VPS35: variants seen among roughly 807,000 people sequenced by gnomAD.
VPS35 encodes VPS35 retromer complex component.
In VPS35, 21 loss-of-function variants were observed where a neutral mutation model predicts 98.1. The observed-to-expected ratio is 0.21, with a 90% confidence interval of 0.15 to 0.31. The LOEUF is 0.31. Ranked by LOEUF, VPS35 falls within the 10% of genes least tolerant of loss-of-function variation. The pLI is 1.00. For missense variants in VPS35, 554 were observed against 950.8 expected (o/e 0.58, Z 5.49); for synonymous variants, 268 against 318.2 (o/e 0.84, Z 1.68).
chr16:46,666,235 A>G (rs1248030841), intron 13 of VPS35, among the ~76,000 whole-genome samples: 1 of 150,300 alleles, frequency 6.7e-6, no homozygotes, highest in East Asian at 2.0e-4. Flanking sequence ...CTAGGACTAT[A>G]GGCATGTACC....
intron 6 of VPS35, chr16:46,677,613 G>C: frequency 1.9e-6 from 1 of 527,502 alleles, no homozygotes; most frequent in East Asian, 3.5e-5. Context: ...TCCACTCAAT[G>C]CAACATCCAC....
rs1440416262 is a variant in VPS35 at position 46,657,085 on chromosome 16, T to G, written c.*3387A>C. ...TGTTGGACAATGCAGGGTGCCCTAC[T>G]GGAGTAATCAGCAATACAAGACCAC... On this transcript the variant is annotated 3_prime_UTR_variant, in exon 17 of 17. Coordinates refer to ENST00000299138, the MANE Select transcript of VPS35 (RefSeq NM_018206.6). The G allele has an allele frequency of 1.3e-5, 2 of 152,334 alleles. No individual in the cohort carries two copies. The highest frequency in any genetic ancestry group is 6.8e-3 in the Middle Eastern group (2 of 294). 9.4% of individuals were successfully genotyped at this position (152,334 alleles called of 1,614,324 possible). A position where few individuals can be genotyped will look rare whatever the true frequency, so the allele number is the denominator to read the frequency against.
rs770141298 is a variant in VPS35 at position 46,688,987 on chromosome 16, C to T, written c.3+144G>A. The T allele has an allele frequency of 3.4e-5, 53 of 1,539,124 alleles. 1 individual carries two copies. In the South Asian group the frequency reaches 5.6e-4, roughly 16 times the overall value. Reference sequence around the variant, plus strand: ...CCCGCGGCCTTCCTCCTGCTGTCCCCTATCCCGCAGGCCAAATCGGGCTGG... The same window carrying T: ...CCCGCGGCCTTCCTCCTGCTGTCCCTTATCCCGCAGGCCAAATCGGGCTGG... On this transcript the variant is annotated intron_variant, in intron 1 of 16. Transcript: ENST00000299138.
At chr16:46,679,699 T>C (rs1029459283) in intron 5 of VPS35, among the ~76,000 whole-genome samples, 8 of 152,246 alleles carry the variant, frequency 5.3e-5, no homozygotes, top group Non-Finnish European at 1.0e-4. Flanking sequence ...GATTTCCTGC[T>C]TTATTTTTCT....
At chr16:46,680,923 C>A (rs1157577022) in intron 4 of VPS35, 70 bp from the exon 5 acceptor site, 7 of 1,453,264 alleles carry the variant, frequency 4.8e-6, no homozygotes, top group Non-Finnish European at 6.7e-6. Context: ...TCCAAACACA[C>A]TGAACAAAAC....
chr16:46,683,704 A>G, intron 1 of VPS35, 98 bp from the exon 2 acceptor site: 2 of 1,253,676 alleles, frequency 1.6e-6, no homozygotes, highest in Non-Finnish European at 2.3e-6. Flanking sequence ...AACAATGTCC[A>G]GCTCTATACC....
intron 5 of VPS35, among the ~76,000 whole-genome samples, chr16:46,679,952 AAAC>A (rs1347989747): frequency 3.3e-5 from 5 of 152,144 alleles, no homozygotes; most frequent in African/African-American, 9.7e-5. Flanking sequence ...AAAAAGAAAA[AAAC>A]AAAATCTGTT....
intron 10 of VPS35, 104 bp from the exon 11 acceptor site, chr16:46,672,576 G>C: frequency 1.0e-6 from 1 of 953,936 alleles, no homozygotes. Context: ...ACACATTAAA[G>C]GAAATGGGTC....
intron 13 of VPS35, among the ~76,000 whole-genome samples, chr16:46,663,570 G>A (rs937622056): frequency 2.6e-5 from 4 of 151,878 alleles, no homozygotes; most frequent in Non-Finnish European, 4.4e-5. Flanking sequence ...TAGTAGGGGC[G>A]GGGTTTCACC....
At chr16:46,679,654 A>G (rs1966203643) in intron 5 of VPS35, among the ~76,000 whole-genome samples, 1 of 152,232 alleles carries the variant, frequency 6.6e-6, no homozygotes, top group Non-Finnish European at 1.5e-5. Flanking sequence ...TTTGTTTTTA[A>G]TTGGAATGTA....
At chr16:46,675,225 G>C (rs1257088480) in intron 8 of VPS35, among the ~76,000 whole-genome samples, 8 of 151,882 alleles carry the variant, frequency 5.3e-5, no homozygotes, top group Non-Finnish European at 2.9e-5. Flanking sequence ...AGCAGATATG[G>C]ACAGAAATGC....
rs759749769 is a variant in VPS35, at chr16:46,674,640, C to A, written c.935G>T (p.Arg312Leu). 5.0e-6 allele frequency: 8 copies of A among 1,608,584 alleles called. No homozygotes were observed. Among genetic ancestry groups the A allele is most frequent in the Admixed American group, 1.7e-5 (1 of 59,426 alleles). ...CGCTGGGATTCCAGGTCCATCTTCACGGTGAGCAAATAAAGCTAATCTAAA... is the reference window on the plus strand; with the variant it reads ...CGCTGGGATTCCAGGTCCATCTTCAAGGTGAGCAAATAAAGCTAATCTAAA... Reference protein sequence around the residue: ...LIDRLALFAHREDGPGIPADI... With the variant: ...LIDRLALFAHLEDGPGIPADI... The change falls in exon 9 of 17, where the codon CGT becomes CTT. Residue 312 changes from arginine to leucine, a missense_variant. Around this residue, in one of 5 missense-constraint regions of VPS35, gnomAD observed 254 missense variants for 390.1 expected, o/e 0.65. Transcript: ENST00000299138.
Position 46,674,433 on chromosome 16 carries a change from A to G in VPS35, c.1041T>C (p.Val347=), listed in dbSNP as rs1366199792. 2 of 1,613,454 alleles carry G rather than the reference A, an allele frequency of 1.2e-6. No individual in the cohort carries two copies. The highest frequency in any genetic ancestry group is 2.7e-5 in the African/African-American group (2 of 74,928). Residue 347 remains valine, a synonymous_variant, in exon 10 of 17, where the codon GTT becomes GTC. Transcript: ENST00000299138. ...QSRQDMPSED[V]VSLQVSLINL... ...TAATCAGAGAGACTTGTAAAGATAC[A>G]ACATCCTCTGAAGGCATGTCTTGTC...
chr16:46,673,081 G>A (rs1966091957), intron 10 of VPS35, among the ~76,000 whole-genome samples: 1 of 151,728 alleles, frequency 6.6e-6, no homozygotes, highest in Non-Finnish European at 1.5e-5. Flanking sequence ...AATTCACTTG[G>A]GGAGAAAGAC....
Position 46,667,865 on chromosome 16 carries a change from T to A in VPS35, c.1647+1065A>T, listed in dbSNP as rs150516104. ...GTTTATTTCTAGACTCTCTATTCTGTTCCATTGGTCTATGTGTCTGTTTTT... is the reference window on the plus strand; with the variant it reads ...GTTTATTTCTAGACTCTCTATTCTGATCCATTGGTCTATGTGTCTGTTTTT... On this transcript the variant is annotated intron_variant, in intron 13 of 16. Transcript: ENST00000299138. Among the ~76,000 whole-genome samples, 73 of 152,368 alleles carry A rather than the reference T, an allele frequency of 4.8e-4. No homozygotes were observed. The East Asian group carries it at 0.013, about 27-fold the overall frequency.
intron 13 of VPS35, among the ~76,000 whole-genome samples, chr16:46,666,565 G>C (rs1233688113): frequency 2.6e-5 from 4 of 152,126 alleles, no homozygotes; most frequent in African/African-American, 9.7e-5. Context: ...CCCACACCTG[G>C]CCTTTTTATT....
intron 1 of VPS35, among the ~76,000 whole-genome samples, chr16:46,687,741 C>A (rs1966341842): frequency 6.6e-6 from 1 of 152,060 alleles, no homozygotes; most frequent in Admixed American, 6.5e-5. Context: ...CTGGGAAGGG[C>A]CAAAGGGGCC....
intron 13 of VPS35, among the ~76,000 whole-genome samples, chr16:46,667,840 G>A (rs1007192417): frequency 3.3e-5 from 5 of 151,942 alleles, no homozygotes; most frequent in Non-Finnish European, 7.4e-5. Flanking sequence ...ATATGTGTGG[G>A]TTTATTTCTA....
intron 16 of VPS35, 168 bp from the exon 17 acceptor site, chr16:46,660,819 TCA>T: frequency 7.5e-6 from 1 of 132,784 alleles, no homozygotes; most frequent in Non-Finnish European, 1.3e-5. Flanking sequence ...TTACTGACTA[TCA>T]AAAAAAAAAA....
Sources: allele counts gnomAD v4.1 joint callset (sites outside exome capture counted in the v4.1 genomes callset), GRCh38; gene constraint gnomAD v4.1.1; regional missense constraint gnomAD v4.1.1; transcripts MANE v1.5; gene names NCBI Gene and HGNC (gene_info 2026-07-23, HGNC 2026-07-21).